COL4A3: variants seen among roughly 807,000 people sequenced by gnomAD.
The protein encoded by COL4A3 is collagen type IV alpha 3 chain.
A neutral mutation model predicts 217.4 loss-of-function variants in COL4A3; 135 were observed. The observed-to-expected ratio is 0.62, with a 90% CI of 0.54 to 0.72. The LOEUF (loss-of-function observed/expected upper bound fraction) is 0.72. Among genes scored for constraint, COL4A3 ranks in the 30% least tolerant of loss-of-function variants. The pLI is 0.00. For synonymous variants in COL4A3, 690 were observed against 736.3 expected, an observed-to-expected ratio of 0.94 and a Z score of 1.02; for missense variants, 1,868 against 2,119.9, an observed-to-expected ratio of 0.88 and a Z score of 2.33.
intron 7 of COL4A3, 24 bp downstream of exon 7, chr2:227,246,762 C>A (rs1286559665): frequency 6.3e-7 from 1 of 1,584,702 alleles, no homozygotes; most frequent in Admixed American, 1.7e-5. Context: ...CCTAATTCCC[C>A]AACAAAGACA....
At chr2:227,254,029 C>A in intron 13 of COL4A3, 83 bp from the exon 14 acceptor site, 3 of 1,264,560 alleles carry the variant, frequency 2.4e-6, no homozygotes, top group Non-Finnish European at 3.5e-6. Context: ...GTTTATTGAA[C>A]AGATAGAGGA....
rs1037422437 is a variant in COL4A3 at position 227,290,756 on chromosome 2, G to T, written c.3080G>T (p.Gly1027Val). The change falls in exon 37 of 52, where the codon GGA (glycine) becomes GTA (valine). Residue 1027 changes from glycine (G) to valine (V), a missense_variant. Gly to Val is a moderately radical substitution (Grantham distance 109). Around this residue, in one of 2 missense-constraint regions of COL4A3, gnomAD observed 1,503 missense variants for 1,786.1 expected, o/e 0.84. Coordinates refer to ENST00000396578, the MANE Select transcript of COL4A3 (RefSeq NM_000091.5). ...MGNMGMPGSK[G>V]KRGTLGFPGR... Reference sequence around the variant, plus strand: ...TTCCCCCTAATTTCAGGTTCTAAAGGAAAAAGGGGAACTTTGGGATTCCCA... The same window carrying T: ...TTCCCCCTAATTTCAGGTTCTAAAGTAAAAAGGGGAACTTTGGGATTCCCA... 6.2e-7 allele frequency: 1 copy of T among 1,612,908 alleles called. No homozygotes were observed. The highest frequency in any genetic ancestry group is 1.3e-5 in the African/African-American group (1 of 74,788).
chr2:227,198,740 A>G (rs1266761414), intron 1 of COL4A3, among the ~76,000 whole-genome samples: 2 of 152,342 alleles, frequency 1.3e-5, no homozygotes, highest in South Asian at 2.1e-4. Flanking sequence ...GTAAGTTTTA[A>G]CAAGTTGAGA....
chr2:227,284,044 C>G (rs1188621893), intron 33 of COL4A3, among the ~76,000 whole-genome samples, 167 bp from the exon 34 acceptor site: 1 of 152,254 alleles, frequency 6.6e-6, no homozygotes, highest in East Asian at 1.9e-4. Flanking sequence ...GCTTACACCA[C>G]TACCCTTATG....
At chr2:227,291,354 G>C (rs1395705294) in intron 37 of COL4A3, among the ~76,000 whole-genome samples, 6 of 151,860 alleles carry the variant, frequency 4.0e-5, no homozygotes, top group Admixed American at 1.3e-4. Flanking sequence ...ACGAGGTCAG[G>C]AGATCGAGAC....
intron 1 of COL4A3, among the ~76,000 whole-genome samples, chr2:227,173,969 C>A (rs1169286522): frequency 6.6e-6 from 1 of 152,132 alleles, no homozygotes; most frequent in Non-Finnish European, 1.5e-5. Flanking sequence ...GTAGGTGATA[C>A]AATCCATCAT....
In COL4A3 at chr2:227,280,410, T is replaced by C. The variant is rs750053478; in HGVS notation, c.2224-30T>C. ...TATCAGTGAAGATTTGGAAGCACTA[T>C]ATAGTAATAACACAATTTCTATGCT... On this transcript the variant is annotated intron_variant, in intron 29 of 51. Coordinates refer to ENST00000396578, the MANE Select transcript of COL4A3 (RefSeq NM_000091.5). The C allele has an allele frequency of 1.9e-6, 3 of 1,612,602 alleles. No homozygotes were observed. In the African/African-American group the frequency reaches 4.0e-5, roughly 21 times the overall value.
chr2:227,276,715 T>C (rs2106126683), intron 27 of COL4A3, among the ~76,000 whole-genome samples: 1 of 152,366 alleles, frequency 6.6e-6, no homozygotes, highest in East Asian at 1.9e-4. Flanking sequence ...GGAGAACCTA[T>C]GTAACTACTT....
chr2:227,245,071 G>A, intron 5 of COL4A3, 76 bp downstream of exon 5: 1 of 1,355,322 alleles, frequency 7.4e-7, no homozygotes, highest in Non-Finnish European at 1.1e-6. Context: ...AAACAGTCGT[G>A]CAAGAAAATG....
chr2:227,234,408 G>C (rs1405574658), intron 1 of COL4A3, among the ~76,000 whole-genome samples: 1 of 152,180 alleles, frequency 6.6e-6, no homozygotes, highest in East Asian at 1.9e-4. Context: ...CAAAGCCTCT[G>C]GTTCCATTTT....
At chr2:227,291,453 C>T (rs112470369) in intron 37 of COL4A3, among the ~76,000 whole-genome samples, 4,664 of 149,828 alleles carry the variant, frequency 0.031, 130 homozygotes, top group Admixed American at 0.044. Flanking sequence ...GTCCCAGCTA[C>T]TTGGGAGGCT....
chr2:227,288,990 G>A (rs1193471880), intron 34 of COL4A3, among the ~76,000 whole-genome samples, 160 bp from the exon 35 acceptor site: 4 of 136,816 alleles, frequency 2.9e-5, no homozygotes, highest in Non-Finnish European at 4.5e-5. Flanking sequence ...TCGTTCTGTC[G>A]CCCACGCTGG....
rs183186646 is a variant in COL4A3 at position 227,213,651 on chromosome 2, C to G, written c.88-24317C>G. ...AGGCGCGGTGGCTTACGCCTGTAGTCCCAGCACTTTGGGAGGCCGAGGTAG... is the reference window on the plus strand; with the variant it reads ...AGGCGCGGTGGCTTACGCCTGTAGTGCCAGCACTTTGGGAGGCCGAGGTAG... On this transcript the variant is annotated intron_variant, in intron 1 of 51. Coordinates refer to ENST00000396578, the MANE Select transcript of COL4A3 (RefSeq NM_000091.5). 2.1e-4 allele frequency among the ~76,000 whole-genome samples: 32 copies of G among 152,102 alleles called. No homozygotes were observed. In the East Asian group the frequency reaches 5.0e-3, roughly 24 times the overall value.
rs576716220 is a variant in COL4A3, at chr2:227,314,556, T to A, written c.*2686T>A. On this transcript the variant is annotated 3_prime_UTR_variant, in exon 52 of 52. Transcript: ENST00000396578. ...TTATGAAAGTATTAAAATGCTTACA[T>A]TTGAACTTGATGGCTAACTTACAAA... The A allele has an allele frequency of 1.1e-4, 17 of 152,722 alleles. No homozygotes were observed. The highest frequency in any genetic ancestry group is 3.8e-4 in the African/African-American group (16 of 41,572). The allele number at this position is 152,722 out of a possible 1,614,324, so 9.5% of individuals were successfully genotyped here. A position where few individuals can be genotyped will look rare whatever the true frequency, so the allele number is the denominator to read the frequency against.
At chr2:227,205,325 T>G (rs1045285937) in intron 1 of COL4A3, among the ~76,000 whole-genome samples, 1 of 152,140 alleles carries the variant, frequency 6.6e-6, no homozygotes, top group African/African-American at 2.4e-5. Flanking sequence ...ATATACGATA[T>G]TCTATCAAAT....
chr2:227,228,328 C>G (rs565655377), intron 1 of COL4A3, among the ~76,000 whole-genome samples: 1 of 152,352 alleles, frequency 6.6e-6, no homozygotes, highest in African/African-American at 2.4e-5. Context: ...CGGGCAGAGG[C>G]GGCCCTGCAG....
chr2:227,262,215 C>G (rs935177128), intron 20 of COL4A3, among the ~76,000 whole-genome samples: 1 of 152,062 alleles, frequency 6.6e-6, no homozygotes, highest in Non-Finnish European at 1.5e-5. Context: ...TAGTAGATAT[C>G]TCTTACAGTT....
At chr2:227,176,605 T>A (rs1441340776) in intron 1 of COL4A3, among the ~76,000 whole-genome samples, 1 of 152,216 alleles carries the variant, frequency 6.6e-6, no homozygotes, top group Non-Finnish European at 1.5e-5. Context: ...CTTAGAGAAG[T>A]GATCCCAGTG....
intron 8 of COL4A3, among the ~76,000 whole-genome samples, chr2:227,248,062 C>G (rs1053502569): frequency 6.6e-6 from 1 of 152,154 alleles, no homozygotes; most frequent in South Asian, 2.1e-4. Context: ...GTCTCAGTCT[C>G]CCAAGTAACT....
Sources: gnomAD v4.1 joint callset for allele counts (sites outside exome capture counted in the v4.1 genomes callset) on GRCh38, gnomAD v4.1.1 for gene constraint, gnomAD v4.1.1 regional missense constraint, MANE v1.5 for transcripts, NCBI Gene and HGNC (gene_info 2026-07-23, HGNC 2026-07-21) for gene names.